Variants in IGSF3 observed in about 807,000 individuals in gnomAD.
IGSF3 encodes glu-Trp-Ile EWI motif-containing protein 3.
Under a neutral mutation model 114.4 loss-of-function variants are expected in IGSF3, and 23 were observed. The ratio of observed to expected loss-of-function variants is 0.20; its 90% confidence interval spans 0.14 to 0.28. The LOEUF (loss-of-function observed/expected upper bound fraction) is 0.28, where lower values mean the gene tolerates loss of function less well. Ranked by LOEUF, IGSF3 falls within the 10% of genes least tolerant of loss-of-function variation. IGSF3 has a pLI of 1.00. For synonymous variants in IGSF3, 571 were observed against 645.2 expected, an observed-to-expected ratio of 0.88 and a Z score of 1.74; for missense variants, 1,172 against 1,591.5, an observed-to-expected ratio of 0.74 and a Z score of 4.48.
chr1:116,584,840 T>C lies in IGSF3; in HGVS notation c.2653A>G (p.Asn885Asp). 1 of 1,614,256 alleles carries C rather than the reference T, an allele frequency of 6.2e-7. No homozygotes were observed. Among genetic ancestry groups the C allele is most frequent in the Non-Finnish European group, 8.5e-7 (1 of 1,180,042 alleles). Residue 885 changes from asparagine to aspartate, a missense_variant, in exon 9 of 11, where the codon AAC (asparagine) becomes GAC (aspartate). Physicochemically the swap from Asn to Asp is conservative, Grantham distance 23. Transcript: ENST00000369486. The surrounding 1 kb of genome is among the most constrained non-coding windows in gnomAD (Gnocchi z 5.8). Reference sequence around the variant, plus strand: ...AAATGCAGCCGCCCCTTCAGATTGTTCTTGGCTGCCTGCTCTCCATAGTGG... The same window carrying C: ...AAATGCAGCCGCCCCTTCAGATTGTCCTTGGCTGCCTGCTCTCCATAGTGG... ...TFHYGEQAAK[N>D]NLKGRLHLES...
intron 2 of IGSF3, among the ~76,000 whole-genome samples, chr1:116,659,061 C>A (rs1390053520): frequency 1.3e-5 from 2 of 152,224 alleles, no homozygotes; most frequent in Admixed American, 6.5e-5. Context: ...TTTTAAAATA[C>A]AACTGACCAC....
intron 2 of IGSF3, among the ~76,000 whole-genome samples, chr1:116,626,128 A>G (rs1440988983): frequency 6.6e-6 from 1 of 152,184 alleles, no homozygotes; most frequent in Non-Finnish European, 1.5e-5. Context: ...TATTTACTTA[A>G]ATATTTTAAA....
intron 2 of IGSF3, among the ~76,000 whole-genome samples, chr1:116,653,952 C>G (rs1346902155): frequency 6.6e-6 from 1 of 152,208 alleles, no homozygotes; most frequent in East Asian, 1.9e-4. Context: ...CAGATTGTAA[C>G]GTTGTTCAGC....
At chr1:116,611,373 T>C (rs1306299180) in intron 4 of IGSF3, among the ~76,000 whole-genome samples, 3 of 152,224 alleles carry the variant, frequency 2.0e-5, no homozygotes, top group African/African-American at 7.2e-5. Flanking sequence ...GCCTTCTCCC[T>C]GCACTCCTGG....
intron 7 of IGSF3, among the ~76,000 whole-genome samples, chr1:116,599,391 TACACACACACACACAC>T (rs35774720): frequency 1.4e-5 from 2 of 148,128 alleles, no homozygotes; most frequent in Non-Finnish European, 3.0e-5. Context: ...CACATACATA[TACACACACACACACAC>T]ACACACACAC....
intron 2 of IGSF3, among the ~76,000 whole-genome samples, chr1:116,621,170 C>T (rs759531818): frequency 9.2e-5 from 14 of 152,288 alleles, no homozygotes; most frequent in Admixed American, 2.0e-4. Context: ...GTAAGGCGCG[C>T]CTGCTTCCCC....
In IGSF3 at chr1:116,608,309, C is replaced by T; in HGVS notation, c.855G>A (p.Leu285=). 2.5e-6 allele frequency: 4 copies of T among 1,613,430 alleles called. No individual in the cohort carries two copies. Among genetic ancestry groups the T allele is most frequent in the African/African-American group, 1.3e-5 (1 of 74,992 alleles). Residue 285 remains leucine (L), a synonymous_variant, in exon 5 of 11, where the codon CTG becomes CTA. Coordinates refer to ENST00000369486, the MANE Select transcript of IGSF3 (RefSeq NM_001007237.3). ...QPTDKEFTVR[L]ETEKRLHTVG... ...CCGTGTGCAGCCGCTTCTCTGTCTC[C>T]AGCCGAACAGTGAATTCTTTGTCTG...
rs1342467628 is a variant in IGSF3 at position 116,650,162 on chromosome 1, T to C, written c.43+16122A>G. Among the ~76,000 whole-genome samples, 1 of 152,252 alleles carries C rather than the reference T, an allele frequency of 6.6e-6. No homozygotes were observed. Among genetic ancestry groups the C allele is most frequent in the East Asian group, 1.9e-4 (1 of 5,202 alleles). The stretch of plus-strand genomic sequence containing the variant: ...TTTCATGCTCCTTTGAGGGAGTGTC[T>C]AACATAGGTTAGACACTATAAGTAG... On this transcript the variant is annotated intron_variant, in intron 2 of 10. Transcript: ENST00000369486. This position sits in a 1 kb window ranked among gnomAD's most constrained non-coding sequence, Gnocchi z 5.0.
chr1:116,648,655 G>A lies in IGSF3; in HGVS notation c.43+17629C>T, dbSNP rs987979320. Among the ~76,000 whole-genome samples, 1 of 152,186 alleles carries A rather than the reference G, an allele frequency of 6.6e-6. No homozygotes were observed. The highest frequency in any genetic ancestry group is 2.4e-5 in the African/African-American group (1 of 41,446). ...ACTGCTTGCAGAAAAGGCACATTTT[G>A]ACTCTTCTGAGAGTGGGAAAGATTT... is the stretch of plus-strand genomic sequence containing the variant. On this transcript the variant is annotated intron_variant, in intron 2 of 10. Transcript: ENST00000369486. This position sits in a 1 kb window ranked among gnomAD's most constrained non-coding sequence, Gnocchi z 4.7.
intron 8 of IGSF3, among the ~76,000 whole-genome samples, chr1:116,586,099 C>T (rs1571120272): frequency 6.6e-6 from 1 of 152,164 alleles, no homozygotes; most frequent in East Asian, 1.9e-4. Context: ...TGCACAATAG[C>T]ACCTCAGGAA....
At chr1:116,659,340 G>GT (rs1649012923) in intron 2 of IGSF3, among the ~76,000 whole-genome samples, 1 of 152,160 alleles carries the variant, frequency 6.6e-6, no homozygotes, top group African/African-American at 2.4e-5. Context: ...CATGGTCTTT[G>GT]TTAAGTGCCT....
chr1:116,589,058 C>T lies in IGSF3; in HGVS notation c.2076G>A (p.Val692=), dbSNP rs369714592. ...VSKSKRTLTL[V]ENKPIQLNCS... Reference sequence around the variant, plus strand: ...AGTTCAACTGAATGGGCTTGTTTTCCACCAGGGTGAGGGTCCTCTTCGATT... The same window carrying T: ...AGTTCAACTGAATGGGCTTGTTTTCTACCAGGGTGAGGGTCCTCTTCGATT... Residue 692 remains valine, a synonymous_variant, in exon 8 of 11, where the codon GTG becomes GTA. Coordinates refer to ENST00000369486, the MANE Select transcript of IGSF3 (RefSeq NM_001007237.3). The surrounding 1 kb of genome is among the most constrained non-coding windows in gnomAD (Gnocchi z 5.7). 6.2e-7 allele frequency: 1 copy of T among 1,614,028 alleles called. No homozygotes were observed. Among genetic ancestry groups the T allele is most frequent in the Non-Finnish European group, 8.5e-7 (1 of 1,180,022 alleles).
rs769333106 is a variant in IGSF3, at chr1:116,579,414, G to A, written c.3312C>T (p.Ile1104=). The stretch of plus-strand genomic sequence containing the variant: ...CACTTGTATCTAGAACACGGATGCC[G>A]ATGGGGGCTGACTCCTCCTCCGTCA... ...YRLTEEESAP[I]GIRVLDTSPT... The change falls in exon 10 of 11, where the codon ATC becomes ATT. Residue 1104 remains isoleucine (I), a synonymous_variant. Transcript: ENST00000369486. The surrounding 1 kb of genome is among the most constrained non-coding windows in gnomAD (Gnocchi z 6.4). 1.4e-5 allele frequency: 22 copies of A among 1,582,552 alleles called. No homozygotes were observed. The highest frequency in any genetic ancestry group is 1.1e-4 in the East Asian group (5 of 44,494).
intron 8 of IGSF3, among the ~76,000 whole-genome samples, chr1:116,587,383 G>C (rs1476311585): frequency 6.6e-6 from 1 of 152,174 alleles, no homozygotes; most frequent in Non-Finnish European, 1.5e-5. Flanking sequence ...CTAGAGTGAT[G>C]AGGGGGCTAC....
At chr1:116,652,452 C>T (rs1648669619) in intron 2 of IGSF3, among the ~76,000 whole-genome samples, 1 of 152,206 alleles carries the variant, frequency 6.6e-6, no homozygotes, top group Admixed American at 6.5e-5. Flanking sequence ...TAATCTTCCT[C>T]ATTAGTCTAC....
intron 2 of IGSF3, among the ~76,000 whole-genome samples, chr1:116,652,342 A>T (rs1386552625): frequency 6.6e-6 from 1 of 152,242 alleles, no homozygotes; most frequent in East Asian, 1.9e-4. Context: ...TTTATTAGGC[A>T]TTCTATTAGC....
chr1:116,645,659 C>T (rs1648333704), intron 2 of IGSF3, among the ~76,000 whole-genome samples: 2 of 152,160 alleles, frequency 1.3e-5, no homozygotes, highest in Non-Finnish European at 2.9e-5. Context: ...CATAACACTC[C>T]CCGGGCAGGG....
chr1:116,636,712 C>T lies in IGSF3; in HGVS notation c.44-20255G>A, dbSNP rs1346581626. On this transcript the variant is annotated intron_variant, in intron 2 of 10. Coordinates refer to ENST00000369486, the MANE Select transcript of IGSF3 (RefSeq NM_001007237.3). The surrounding 1 kb of genome is among the most constrained non-coding windows in gnomAD (Gnocchi z 4.5). ...GGGGCTGGAACCCTGTCTTTTGCCTCGAAGCACAGGGCCCTCCTTCTGTCC... is the reference window on the plus strand; with the variant it reads ...GGGGCTGGAACCCTGTCTTTTGCCTTGAAGCACAGGGCCCTCCTTCTGTCC... 6.6e-6 allele frequency among the ~76,000 whole-genome samples: 1 copy of T among 152,174 alleles called. No individual in the cohort carries two copies. Among genetic ancestry groups the T allele is most frequent in the African/African-American group, 2.4e-5 (1 of 41,438 alleles).
rs1409974412 is a variant in IGSF3 at position 116,612,325 on chromosome 1, C to A, written c.832+1440G>T. On this transcript the variant is annotated intron_variant, in intron 4 of 10. Coordinates refer to ENST00000369486, the MANE Select transcript of IGSF3 (RefSeq NM_001007237.3). The surrounding 1 kb of genome is among the most constrained non-coding windows in gnomAD (Gnocchi z 4.1). ...ATAAAGTGCTCCCTATCCCTACCAA[C>A]CCCTACGGTAAAAGATTTCACATCC... is the stretch of plus-strand genomic sequence containing the variant. 6.6e-5 allele frequency among the ~76,000 whole-genome samples: 10 copies of A among 152,134 alleles called. No homozygotes were observed. The highest frequency in any genetic ancestry group is 2.4e-4 in the African/African-American group (10 of 41,408).
Sources: gnomAD v4.1 joint callset for allele counts (sites outside exome capture counted in the v4.1 genomes callset) on GRCh38, gnomAD v4.1.1 for gene constraint, Gnocchi (gnomAD v3.1) non-coding constraint, MANE v1.5 for transcripts, NCBI Gene and HGNC (gene_info 2026-07-23, HGNC 2026-07-21) for gene names.